The following FBXO33 variants were observed in gnomAD, a reference collection of about 807,000 sequenced individuals.
FBXO33 encodes F-box protein 33, also known as F-box only protein 33.
A neutral mutation model predicts 46.3 loss-of-function variants in FBXO33; 22 were observed. That is an observed-to-expected ratio of 0.48 (90% confidence interval 0.34 to 0.68). The LOEUF (loss-of-function observed/expected upper bound fraction) is 0.68, where lower values mean the gene tolerates loss of function less well. Among genes scored for constraint, FBXO33 ranks in the 30% least tolerant of loss-of-function variants. The pLI is 0.01. For missense variants in FBXO33, 692 were observed against 708.8 expected (o/e 0.98, Z 0.27); for synonymous variants, 337 against 291.3 (o/e 1.16, Z -1.60).
At chr14:39,411,479 T>C (rs183110683) in intron 1 of FBXO33, among the ~76,000 whole-genome samples, 250 of 152,118 alleles carry the variant, frequency 1.6e-3, no homozygotes, top group African/African-American at 5.4e-3. Context: ...TTTTGGTAAG[T>C]TGTTTTTTAT....
chr14:39,399,562 T>G lies in FBXO33; in HGVS notation c.1622A>C (p.Asn541Thr), dbSNP rs374450957. Residue 541 changes from asparagine (N) to threonine (T), a missense_variant, in exon 4 of 4, where the codon AAT (asparagine) becomes ACT (threonine). Physicochemically the swap from Asn to Thr is moderately conservative, Grantham distance 65. Coordinates refer to ENST00000298097, the MANE Select transcript of FBXO33 (RefSeq NM_203301.4). ...TTGCATCTCTCTGTAAAAATGACGA[T>G]TTGGTTCAGTGAAGACACTGAGTGA... ...IESLSVFTEP[N>T]RHFYREMQSF... 3 of 1,612,568 alleles carry G rather than the reference T, an allele frequency of 1.9e-6. No individual in the cohort carries two copies. In the African/African-American group the frequency reaches 4.0e-5, roughly 22 times the overall value.
At position 39,432,029 on chromosome 14, in the gene FBXO33, A is replaced by G; in HGVS notation, c.134T>C (p.Leu45Pro). 7.1e-7 allele frequency: 1 copy of G among 1,399,850 alleles called. No homozygotes were observed. The highest frequency in any genetic ancestry group is 1.5e-5 in the South Asian group (1 of 65,090). The allele number at this position is 1,399,850 out of a possible 1,614,324, so 86.7% of individuals were successfully genotyped here. ...LRRLRGLLRV[L>P]RGRPGAGSRR... is the part of the protein sequence containing the mutation. ...GCTGCCGGCTCCCGGCCGCCCCCGC[A>G]GTACCCGGAGCAGCCCCCGCAGCCG... The change falls in exon 1 of 4, where the codon CTG becomes CCG. Residue 45 changes from leucine (L) to proline (P), a missense_variant. Leu to Pro is a moderately conservative substitution (Grantham distance 98). This residue lies in a region of FBXO33 where 412 missense variants were observed against 370.8 expected (regional missense o/e 1.11). Transcript: ENST00000298097.
rs1397222589 is a variant in FBXO33 at position 39,432,226 on chromosome 14, T to C, written c.-64A>G. ...TCGGCGGAACCAAGTAGAACACAAG[T>C]TGTGGAGAGGGGGAAAGGCCTCTGC... On this transcript the variant is annotated 5_prime_UTR_variant, in exon 1 of 4. Coordinates refer to ENST00000298097, the MANE Select transcript of FBXO33 (RefSeq NM_203301.4). The C allele has an allele frequency of 2.6e-6, 3 of 1,161,700 alleles. No individual in the cohort carries two copies. The highest frequency in any genetic ancestry group is 1.6e-5 in the African/African-American group (1 of 61,498). The allele number at this position is 1,161,700 out of a possible 1,614,324, so 72.0% of individuals were successfully genotyped here. A position where few individuals can be genotyped will look rare whatever the true frequency, so the allele number is the denominator to read the frequency against.
intron 3 of FBXO33, among the ~76,000 whole-genome samples, 185 bp from the exon 4 acceptor site, chr14:39,399,972 A>G (rs1038062063): frequency 6.6e-6 from 1 of 151,452 alleles, no homozygotes; most frequent in African/African-American, 2.4e-5. Context: ...TATAGCCCAG[A>G]AAAAAAAAGG....
intron 1 of FBXO33, among the ~76,000 whole-genome samples, chr14:39,419,056 A>T (rs1391135113): frequency 6.6e-6 from 1 of 152,224 alleles, no homozygotes; most frequent in Non-Finnish European, 1.5e-5. Context: ...GGATTATCGA[A>T]TTCATTCCTC....
In FBXO33 at chr14:39,398,478, T is replaced by C. The variant is rs1056738650; in HGVS notation, c.*1038A>G. 1 of 151,312 alleles carries C rather than the reference T, an allele frequency of 6.6e-6. No homozygotes were observed. Among genetic ancestry groups the C allele is most frequent in the African/African-American group, 2.4e-5 (1 of 41,264 alleles). The allele number at this position is 151,312 out of a possible 1,614,324, so 9.4% of individuals were successfully genotyped here. ...TGTTTTTTTTTTCTTTTTTTTTTTT[T>C]TTTGTTTTGTTTTTTCAGAGTTCTG... On this transcript the variant is annotated 3_prime_UTR_variant, in exon 4 of 4. Transcript: ENST00000298097.
intron 1 of FBXO33, among the ~76,000 whole-genome samples, chr14:39,410,355 T>C (rs2075416971): frequency 6.6e-6 from 1 of 152,256 alleles, no homozygotes; most frequent in Admixed American, 6.5e-5. Context: ...GTGCATATGG[T>C]GAACCATGCC....
intron 1 of FBXO33, among the ~76,000 whole-genome samples, chr14:39,412,667 T>C (rs918473071): frequency 2.0e-5 from 3 of 152,250 alleles, no homozygotes; most frequent in Non-Finnish European, 4.4e-5. Flanking sequence ...TATGTATTTA[T>C]CTTTTGTGTA....
At chr14:39,411,554 G>A (rs569874241) in intron 1 of FBXO33, among the ~76,000 whole-genome samples, 2 of 147,792 alleles carry the variant, frequency 1.4e-5, no homozygotes, top group South Asian at 2.2e-4. Flanking sequence ...CAAGAGTCTC[G>A]CACTGTCACC....
intron 1 of FBXO33, among the ~76,000 whole-genome samples, chr14:39,428,702 T>TC (rs2139422635): frequency 6.6e-6 from 1 of 152,314 alleles, no homozygotes; most frequent in South Asian, 2.1e-4. Flanking sequence ...CTCTCGTTTT[T>TC]CCTAAGGAGT....
chr14:39,426,497 C>T (rs1194712299), intron 1 of FBXO33, among the ~76,000 whole-genome samples: 1 of 152,160 alleles, frequency 6.6e-6, no homozygotes, highest in Non-Finnish European at 1.5e-5. Flanking sequence ...TTATTCTTGT[C>T]CTTAAAATTT....
chr14:39,408,997 G>A (rs755923410), intron 1 of FBXO33, among the ~76,000 whole-genome samples: 7 of 151,862 alleles, frequency 4.6e-5, no homozygotes, highest in Non-Finnish European at 7.4e-5. Context: ...GGCTGGTCTC[G>A]AGCTCCTGGG....
intron 1 of FBXO33, among the ~76,000 whole-genome samples, chr14:39,413,135 T>C (rs950851093): frequency 6.6e-6 from 1 of 152,266 alleles, no homozygotes; most frequent in Admixed American, 6.5e-5. Flanking sequence ...GTTTTTACAA[T>C]TGGACTCAAT....
intron 1 of FBXO33, among the ~76,000 whole-genome samples, chr14:39,406,268 A>G (rs895160868): frequency 1.3e-5 from 2 of 152,162 alleles, no homozygotes; most frequent in African/African-American, 2.4e-5. Context: ...TATGTCACAC[A>G]ATTTCTAATA....
rs1320365310 is a variant in FBXO33, at chr14:39,431,976, C to G, written c.187G>C (p.Gly63Arg). Residue 63 changes from glycine to arginine, a missense_variant, in exon 1 of 4, where the codon GGG (glycine) becomes CGG (arginine). Around this residue, in one of 3 missense-constraint regions of FBXO33, gnomAD observed 412 missense variants for 370.8 expected, o/e 1.11. Transcript: ENST00000298097. Reference protein sequence around the residue: ...SRRRGRMALCGQAAGAASLPS... With the variant: ...SRRRGRMALCRQAAGAASLPS... ...AGCGACGCAGCGCCCGCCGCCTGCC[C>G]GCACAGAGCCATCCGGCCCCGCCGC... The G allele has an allele frequency of 5.3e-6, 8 of 1,516,398 alleles. No individual in the cohort carries two copies. The highest frequency in any genetic ancestry group is 7.0e-6 in the Non-Finnish European group (8 of 1,139,378). The allele number at this position is 1,516,398 out of a possible 1,614,324, so 93.9% of individuals were successfully genotyped here. A position where few individuals can be genotyped will look rare whatever the true frequency, so the allele number is the denominator to read the frequency against.
intron 1 of FBXO33, among the ~76,000 whole-genome samples, chr14:39,417,817 C>T (rs985814085): frequency 6.6e-6 from 1 of 152,182 alleles, no homozygotes; most frequent in African/African-American, 2.4e-5. Context: ...GCGTGAGCCA[C>T]CACGCCTGGC....
Position 39,399,481 on chromosome 14 carries a change from A to G in FBXO33, c.*35T>C, listed in dbSNP as rs768638335. 1.3e-6 allele frequency: 2 copies of G among 1,575,254 alleles called. No individual in the cohort carries two copies. The highest frequency in any genetic ancestry group is 1.2e-5 in the South Asian group (1 of 85,702). On this transcript the variant is annotated 3_prime_UTR_variant, in exon 4 of 4. Coordinates refer to ENST00000298097, the MANE Select transcript of FBXO33 (RefSeq NM_203301.4). ...AAAAACATAATAGGACCCTACTTGC[A>G]TATGTAACCACAGGAATTCTACATT... is the stretch of plus-strand genomic sequence containing the variant.
chr14:39,404,664 G>A (rs1464956565), intron 1 of FBXO33, among the ~76,000 whole-genome samples: 1 of 152,126 alleles, frequency 6.6e-6, no homozygotes, highest in Non-Finnish European at 1.5e-5. Context: ...TTAACCAGGA[G>A]AAGTAAGGTA....
At chr14:39,427,170 A>C (rs533161854) in intron 1 of FBXO33, among the ~76,000 whole-genome samples, 1 of 152,346 alleles carries the variant, frequency 6.6e-6, no homozygotes, top group South Asian at 2.1e-4. Context: ...ACAGTCAAAA[A>C]ATTTTAACTT....
Sources: allele counts gnomAD v4.1 joint callset (sites outside exome capture counted in the v4.1 genomes callset), GRCh38; gene constraint gnomAD v4.1.1; regional missense constraint gnomAD v4.1.1; transcripts MANE v1.5; gene names NCBI Gene and HGNC (gene_info 2026-07-23, HGNC 2026-07-21).